The following RIMS2 variants were observed in gnomAD, a reference collection of about 807,000 sequenced individuals.
RIMS2 encodes regulating synaptic membrane exocytosis protein 2.
In RIMS2, 59 loss-of-function variants were observed where a neutral mutation model predicts 174.4. The observed-to-expected ratio is 0.34, with a 90% CI of 0.27 to 0.42. RIMS2 has a LOEUF of 0.42. Among genes scored for constraint, RIMS2 ranks in the 10% least tolerant of loss-of-function variants. The pLI, the probability that RIMS2 is intolerant of heterozygous loss-of-function variation, is 1.00. For synonymous variants in RIMS2, 606 were observed against 572.5 expected, an observed-to-expected ratio of 1.06 and a Z score of -0.84; for missense variants, 1,620 against 1,666.3, an observed-to-expected ratio of 0.97 and a Z score of 0.48.
intron 4 of RIMS2, among the ~76,000 whole-genome samples, chr8:103,899,716 T>G (rs1344616287): frequency 6.6e-6 from 1 of 151,738 alleles, no homozygotes; most frequent in Non-Finnish European, 1.5e-5. Flanking sequence ...AGAAGCTCTT[T>G]AGTTTAATTA....
At chr8:103,855,684 A>T (rs375992908) in intron 3 of RIMS2, among the ~76,000 whole-genome samples, 137 of 151,988 alleles carry the variant, frequency 9.0e-4, no homozygotes, top group African/African-American at 3.2e-3. Flanking sequence ...GGTCATCTTG[A>T]TATTGATTTC....
chr8:103,557,432 T>C (rs1191557345), intron 1 of RIMS2, among the ~76,000 whole-genome samples: 1 of 152,234 alleles, frequency 6.6e-6, no homozygotes, highest in Non-Finnish European at 1.5e-5. Flanking sequence ...TCTTATTTTC[T>C]TTCCCACTTT....
At position 104,053,622 on chromosome 8, in the gene RIMS2, T is replaced by C. The variant is rs151313535; in HGVS notation, c.3334+39007T>C. On this transcript the variant is annotated intron_variant, in intron 19 of 23. Transcript: ENST00000504942. Reference sequence around the variant, plus strand: ...TATTTCGGATAATTAAATCACTTAGTATAAATTGTTTTAATATGTAATTGA... The same window carrying C: ...TATTTCGGATAATTAAATCACTTAGCATAAATTGTTTTAATATGTAATTGA... Among the ~76,000 whole-genome samples the C allele has an allele frequency of 6.2e-4, 95 of 152,340 alleles. 1 individual carries two copies. The East Asian group carries it at 0.014, about 23-fold the overall frequency.
intron 1 of RIMS2, among the ~76,000 whole-genome samples, chr8:103,608,770 A>G (rs2095252883): frequency 6.6e-6 from 1 of 152,028 alleles, no homozygotes; most frequent in African/African-American, 2.4e-5. Context: ...GCCGTCCGTC[A>G]CCCCTTTCTT....
intron 20 of RIMS2, among the ~76,000 whole-genome samples, chr8:104,245,392 T>C (rs1411461614): frequency 2.6e-5 from 4 of 152,220 alleles, no homozygotes; most frequent in Admixed American, 6.5e-5. Flanking sequence ...TGCCACACCA[T>C]GTGAACAATG....
At chr8:104,206,873 A>T (rs1258956991) in intron 19 of RIMS2, among the ~76,000 whole-genome samples, 1 of 152,180 alleles carries the variant, frequency 6.6e-6, no homozygotes, top group Non-Finnish European at 1.5e-5. Context: ...CTTACAAGGG[A>T]GGGATAGAAG....
Position 103,881,009 on chromosome 8 carries a change from A to T in RIMS2, c.699-4289A>T, listed in dbSNP as rs1274037290. On this transcript the variant is annotated intron_variant, in intron 3 of 23. Coordinates refer to ENST00000504942, the Ensembl canonical transcript of RIMS2. Reference sequence around the variant, plus strand: ...TGCTTTATAAAGATTTTTAAAAACAAGTAGGTATTTTTTCAGGTTATTGAT... The same window carrying T: ...TGCTTTATAAAGATTTTTAAAAACATGTAGGTATTTTTTCAGGTTATTGAT... 4.6e-5 allele frequency among the ~76,000 whole-genome samples: 7 copies of T among 151,470 alleles called. No individual in the cohort carries two copies. In the East Asian group the frequency reaches 1.4e-3, roughly 29 times the overall value.
Position 103,898,982 on chromosome 8 carries a change from T to C in RIMS2, c.1625-11152T>C, listed in dbSNP as rs187073595. Among the ~76,000 whole-genome samples, 171 of 151,618 alleles carry C rather than the reference T, an allele frequency of 1.1e-3. 5 individuals are homozygous for C. Among genetic ancestry groups the C allele is most frequent in the Middle Eastern group, 3.4e-3 (1 of 294 alleles). ...TGAGAACATGCAGGGTTTGGTTTTTTATCCTTGTGATAGTTTGCTGAGAAT... is the reference window on the plus strand; with the variant it reads ...TGAGAACATGCAGGGTTTGGTTTTTCATCCTTGTGATAGTTTGCTGAGAAT... On this transcript the variant is annotated intron_variant, in intron 4 of 23. Coordinates refer to ENST00000504942, the Ensembl canonical transcript of RIMS2.
At chr8:103,870,557 GTTGT>G (rs1396517853) in intron 3 of RIMS2, among the ~76,000 whole-genome samples, 2 of 151,710 alleles carry the variant, frequency 1.3e-5, no homozygotes, top group Non-Finnish European at 2.9e-5. Flanking sequence ...TCTGTTCAGT[GTTGT>G]TTATTAAATA....
chr8:103,668,565 AGTGTGTGT>A (rs35887428), intron 1 of RIMS2, among the ~76,000 whole-genome samples: 1 of 151,242 alleles, frequency 6.6e-6, no homozygotes, highest in Non-Finnish European at 1.5e-5. Flanking sequence ...CCAGTTTGTA[AGTGTGTGT>A]GTGTGTGAGT....
intron 1 of RIMS2, among the ~76,000 whole-genome samples, chr8:103,632,403 C>T (rs1448362250): frequency 6.6e-6 from 1 of 152,128 alleles, no homozygotes; most frequent in African/African-American, 2.4e-5. Context: ...TTCAGTTCAG[C>T]TTATGTGATG....
chr8:103,720,604 C>T (rs1195231223), intron 2 of RIMS2, among the ~76,000 whole-genome samples: 1 of 152,046 alleles, frequency 6.6e-6, no homozygotes, highest in Non-Finnish European at 1.5e-5. Flanking sequence ...ACCATTAGTC[C>T]TATTGTATTG....
intron 19 of RIMS2, among the ~76,000 whole-genome samples, chr8:104,120,512 T>C (rs538945101): frequency 1.3e-5 from 2 of 152,278 alleles, no homozygotes; most frequent in South Asian, 2.1e-4. Flanking sequence ...CAACCAGAAA[T>C]AGTAATTCAT....
intron 3 of RIMS2, among the ~76,000 whole-genome samples, chr8:103,842,320 TAAAG>T (rs929671517): frequency 1.3e-5 from 2 of 152,090 alleles, no homozygotes; most frequent in African/African-American, 4.8e-5. Flanking sequence ...AAAGAAGAAT[TAAAG>T]AAACTCTAAA....
At chr8:103,542,421 T>G (rs1287226314) in intron 1 of RIMS2, among the ~76,000 whole-genome samples, 2 of 152,202 alleles carry the variant, frequency 1.3e-5, no homozygotes, top group African/African-American at 4.8e-5. Flanking sequence ...AAAGAAGAAC[T>G]GATACCAATC....
chr8:104,036,211 T>C (rs1033145522), intron 19 of RIMS2, among the ~76,000 whole-genome samples: 3 of 151,828 alleles, frequency 2.0e-5, no homozygotes, highest in Non-Finnish European at 4.4e-5. Flanking sequence ...AGTGCGGTGG[T>C]GCATTCTCGG....
At chr8:103,584,308 A>C (rs764946873) in intron 1 of RIMS2, among the ~76,000 whole-genome samples, 15 of 152,202 alleles carry the variant, frequency 9.9e-5, no homozygotes, top group Non-Finnish European at 1.9e-4. Flanking sequence ...AGATTTGATC[A>C]ATACTAGACC....
intron 19 of RIMS2, among the ~76,000 whole-genome samples, chr8:104,092,415 A>G (rs2097677561): frequency 6.6e-6 from 1 of 151,896 alleles, no homozygotes; most frequent in Non-Finnish European, 1.5e-5. Flanking sequence ...GCATCTAAAC[A>G]AATAAAAATC....
intron 19 of RIMS2, among the ~76,000 whole-genome samples, chr8:104,233,091 A>G (rs1425432432): frequency 2.6e-5 from 4 of 152,184 alleles, no homozygotes; most frequent in Non-Finnish European, 5.9e-5. Context: ...AACGGGGGGA[A>G]ATCTATAGAA....
Sources: gnomAD v4.1 joint callset for allele counts (sites outside exome capture counted in the v4.1 genomes callset) on GRCh38, gnomAD v4.1.1 for gene constraint, MANE v1.5 for transcripts, NCBI Gene and HGNC (gene_info 2026-07-23, HGNC 2026-07-21) for gene names.